The following CEP350 variants were observed in gnomAD, a reference collection of about 807,000 sequenced individuals.
CEP350 encodes centrosome-associated protein 350.
Under a neutral mutation model 331.8 loss-of-function variants are expected in CEP350, and 126 were observed. The ratio of observed to expected loss-of-function variants is 0.38; its 90% CI spans 0.33 to 0.44. The LOEUF (loss-of-function observed/expected upper bound fraction) is 0.44, where lower values mean the gene tolerates loss of function less well. CEP350 is among the 20% of genes least tolerant of loss of function. The pLI is 1.00. For synonymous variants in CEP350, 1,200 were observed against 1,259.5 expected, an observed-to-expected ratio of 0.95 and a Z score of 1.00; for missense variants, 3,406 against 3,634.6, an observed-to-expected ratio of 0.94 and a Z score of 1.62.
At chr1:179,985,419 C>T (rs895444734) in intron 1 of CEP350, among the ~76,000 whole-genome samples, 1 of 152,188 alleles carries the variant, frequency 6.6e-6, no homozygotes, top group African/African-American at 2.4e-5. Flanking sequence ...ATTTGGGCTA[C>T]TTCCACGTTA....
At chr1:179,968,663 C>T (rs1330448993) in intron 1 of CEP350, 1 of 456,134 alleles carries the variant, frequency 2.2e-6, no homozygotes, top group African/African-American at 2.0e-5. Context: ...TAAAGGGAAA[C>T]TTTTACAATA....
Position 180,093,281 on chromosome 1 carries a change from G to A in CEP350, c.7176G>A (p.Leu2392=). 1 of 1,598,322 alleles carries A rather than the reference G, an allele frequency of 6.3e-7. No individual in the cohort carries two copies. The highest frequency in any genetic ancestry group is 1.3e-5 in the African/African-American group (1 of 74,916). ...TCAAGAAAGAAATTTCAGCTGAATT[G>A]TACAAAGATGATTTTGAGGTGTCAT... ...SSFKKEISAE[L]YKDDFEVSSL... The change falls in exon 34 of 38, where the codon TTG becomes TTA. Residue 2392 remains leucine (L), a synonymous_variant. Coordinates refer to ENST00000367607, the MANE Select transcript of CEP350 (RefSeq NM_014810.5).
chr1:179,984,026 C>G (rs1339155590), intron 1 of CEP350, among the ~76,000 whole-genome samples: 1 of 152,212 alleles, frequency 6.6e-6, no homozygotes, highest in African/African-American at 2.4e-5. Context: ...CAGGTAGGCC[C>G]TTCTTGGAAG....
intron 37 of CEP350, among the ~76,000 whole-genome samples, chr1:180,108,424 C>G (rs751744294): frequency 6.6e-6 from 1 of 151,950 alleles, no homozygotes; most frequent in Non-Finnish European, 1.5e-5. Context: ...AGCTTGAGCC[C>G]GGGAGGTGGA....
Position 180,006,440 on chromosome 1 carries a change from T to C in CEP350, c.1133-14T>C. 3 of 1,181,520 alleles carry C rather than the reference T, an allele frequency of 2.5e-6. No homozygotes were observed. The highest frequency in any genetic ancestry group is 2.5e-6 in the Non-Finnish European group (2 of 809,428). 73.2% of individuals were successfully genotyped at this position (1,181,520 alleles called of 1,614,324 possible). On this transcript the variant is annotated splice_polypyrimidine_tract_variant and intron_variant, in intron 7 of 37. Transcript: ENST00000367607. The stretch of plus-strand genomic sequence containing the variant: ...ATCATTGTTATATTTGCTGTAAATA[T>C]TTCTGCTTTTCAGATGATATTTCTA...
intron 16 of CEP350, 104 bp downstream of exon 16, chr1:180,034,186 T>G (rs1233028888): frequency 2.3e-6 from 3 of 1,292,180 alleles, no homozygotes; most frequent in African/African-American, 1.5e-5. Flanking sequence ...AAATATTATT[T>G]CAAGTGAATA....
At chr1:180,015,066 C>T (rs969657539) in intron 10 of CEP350, among the ~76,000 whole-genome samples, 1 of 152,120 alleles carries the variant, frequency 6.6e-6, no homozygotes, top group East Asian at 1.9e-4. Context: ...TCATCAAGGT[C>T]TTTATCCTCG....
At chr1:180,029,790 A>T (rs1655896054) in intron 14 of CEP350, among the ~76,000 whole-genome samples, 1 of 152,086 alleles carries the variant, frequency 6.6e-6, no homozygotes, top group South Asian at 2.1e-4. Context: ...CATCATCCCA[A>T]ACTAAAATCT....
At position 180,039,272 on chromosome 1, in the gene CEP350, A is replaced by G. The variant is rs868083222; in HGVS notation, c.4111-1866A>G. 7.5e-4 allele frequency among the ~76,000 whole-genome samples: 13 copies of G among 17,426 alleles called. No homozygotes were observed. In the South Asian group the frequency reaches 0.036, roughly 49 times the overall value. The allele number at this position is 17,426 out of a possible 152,430, so 11.4% of individuals were successfully genotyped here. On this transcript the variant is annotated intron_variant, in intron 17 of 37. Transcript: ENST00000367607. ...CAAAAAAAAAAGGAAGAAAGGAAGG[A>G]AGGGAGGGAGGGAGGGAGGGGAGGG... is the stretch of plus-strand genomic sequence containing the variant.
At position 180,062,658 on chromosome 1, in the gene CEP350, G is replaced by A. The variant is rs1289833136; in HGVS notation, c.5409+292G>A. Among the ~76,000 whole-genome samples the A allele has an allele frequency of 2.6e-5, 4 of 152,208 alleles. No individual in the cohort carries two copies. In the South Asian group the frequency reaches 8.3e-4, roughly 32 times the overall value. On this transcript the variant is annotated intron_variant, in intron 26 of 37. Coordinates refer to ENST00000367607, the MANE Select transcript of CEP350 (RefSeq NM_014810.5). ...GCCTTCTTGCTGGTAGGGACTCTCC[G>A]CAGAGTCCCAAGCGGTGATGCAGGG...
intron 1 of CEP350, among the ~76,000 whole-genome samples, chr1:179,958,071 G>A (rs1195468521): frequency 6.6e-6 from 1 of 152,070 alleles, no homozygotes; most frequent in Non-Finnish European, 1.5e-5. Flanking sequence ...GTCTACATTT[G>A]TTTAATATGT....
At chr1:180,034,473 C>CTTTT (rs11451813) in intron 16 of CEP350, among the ~76,000 whole-genome samples, 2 of 145,356 alleles carry the variant, frequency 1.4e-5, no homozygotes, top group African/African-American at 2.5e-5. Context: ...GTTTTTTTGT[C>CTTTT]TTTTTTTTTT....
At chr1:179,955,592 C>T (rs1650114428) in intron 1 of CEP350, among the ~76,000 whole-genome samples, 1 of 152,188 alleles carries the variant, frequency 6.6e-6, no homozygotes, top group Admixed American at 6.5e-5. Context: ...CTACTCTAGT[C>T]TAGCGGCTGC....
Position 180,096,062 on chromosome 1 carries a change from AT to A in CEP350, c.8949del (p.Phe2983LeufsTer11). ...KQAVFDLTKEIFEEIFAEDPN... is the reference protein window; with the variant it reads ...KQAVFDLTKEXFEEIFAEDPN... ...GGCGGTTTTTGATTTAACAAAAGAG[AT>A]TTTTGAGGAAATATTTGCTGAGGAT... is the stretch of plus-strand genomic sequence containing the variant. On this transcript the variant is annotated frameshift_variant, in exon 36 of 38. Coordinates refer to ENST00000367607, the MANE Select transcript of CEP350 (RefSeq NM_014810.5). LOFTEE classifies it high-confidence loss of function. The A allele has an allele frequency of 6.4e-7, 1 of 1,552,684 alleles. No homozygotes were observed. Among genetic ancestry groups the A allele is most frequent in the Non-Finnish European group, 8.7e-7 (1 of 1,147,442 alleles).
At chr1:180,054,983 C>A (rs774034774) in intron 25 of CEP350, among the ~76,000 whole-genome samples, 8 of 152,138 alleles carry the variant, frequency 5.3e-5, no homozygotes, top group Non-Finnish European at 8.8e-5. Flanking sequence ...AGTTAGATTT[C>A]CTAGGCTAAA....
At chr1:180,024,645 G>A (rs1655548926) in intron 14 of CEP350, 63 bp downstream of exon 14, 2 of 1,507,586 alleles carry the variant, frequency 1.3e-6, no homozygotes, top group South Asian at 1.3e-5. Flanking sequence ...GTAATCTAAA[G>A]TTATGATTTG....
At chr1:180,047,757 C>A (rs1308208051) in intron 21 of CEP350, among the ~76,000 whole-genome samples, 389 of 73,862 alleles carry the variant, frequency 5.3e-3, no homozygotes, top group African/African-American at 0.014. Flanking sequence ...TGAAACTCCT[C>A]AAAAAAAAAA....
intron 16 of CEP350, among the ~76,000 whole-genome samples, chr1:180,035,182 G>T (rs560663449): frequency 6.6e-6 from 1 of 152,184 alleles, no homozygotes. Context: ...ATTTTGTGAA[G>T]CCCTAGAGAG....
At chr1:180,099,482 T>C (rs1284684266) in intron 37 of CEP350, among the ~76,000 whole-genome samples, 1 of 152,224 alleles carries the variant, frequency 6.6e-6, no homozygotes, top group African/African-American at 2.4e-5. Flanking sequence ...ATCATCACTA[T>C]TATCATTATC....
Sources: allele counts gnomAD v4.1 joint callset (sites outside exome capture counted in the v4.1 genomes callset), GRCh38; gene constraint gnomAD v4.1.1; transcripts MANE v1.5; gene names NCBI Gene and HGNC (gene_info 2026-07-23, HGNC 2026-07-21).